PCDHB3: variants seen among roughly 807,000 people sequenced by gnomAD.
The protein encoded by PCDHB3 is protocadherin beta-3.
For synonymous variants in PCDHB3, 479 were observed against 456.0 expected, an observed-to-expected ratio of 1.05 and a Z score of -0.64; for missense variants, 967 against 1,012.1, an observed-to-expected ratio of 0.96 and a Z score of 0.60.
Position 141,100,741 on chromosome 5 carries a change from G to A in PCDHB3, c.92G>A (p.Arg31Lys), listed in dbSNP as rs1554272068. 1.2e-6 allele frequency: 2 copies of A among 1,614,148 alleles called. No homozygotes were observed. Among genetic ancestry groups the A allele is most frequent in the South Asian group, 2.2e-5 (2 of 91,092 alleles). Residue 31 changes from arginine (R) to lysine (K), a missense_variant, in exon 1 of 1, where the codon AGA (arginine) becomes AAA (lysine). Physicochemically the swap from Arg to Lys is conservative, Grantham distance 26 (BLOSUM62 2). Coordinates refer to ENST00000231130, the MANE Select transcript of PCDHB3 (RefSeq NM_018937.5). ...LGGSLAGSES[R>K]RYSVAEEKEK... ...GGGTCTCTGGCTGGGTCCGAGTCAA[G>A]ACGCTATTCTGTGGCTGAGGAAAAA...
In PCDHB3 at chr5:141,102,423, G is replaced by A; in HGVS notation, c.1774G>A (p.Val592Met). 6.2e-7 allele frequency: 1 copy of A among 1,610,664 alleles called. No homozygotes were observed. The highest frequency in any genetic ancestry group is 8.5e-7 in the Non-Finnish European group (1 of 1,179,648). Reference protein sequence around the residue: ...PGYLVTKVVAVDGDSGQNAWL... With the variant: ...PGYLVTKVVAMDGDSGQNAWL... ...CTACCTGGTGACCAAGGTGGTGGCG[G>A]TGGACGGCGACTCGGGCCAGAACGC... The change falls in exon 1 of 1, where the codon GTG (valine) becomes ATG (methionine). Residue 592 changes from valine to methionine, a missense_variant. Coordinates refer to ENST00000231130, the MANE Select transcript of PCDHB3 (RefSeq NM_018937.5).
chr5:141,103,634 A>G lies in PCDHB3; in HGVS notation c.*594A>G, dbSNP rs1030542601. 24 of 152,320 alleles carry G rather than the reference A, an allele frequency of 1.6e-4. No homozygotes were observed. The highest frequency in any genetic ancestry group is 4.8e-4 in the African/African-American group (20 of 41,580). 9.4% of individuals were successfully genotyped at this position (152,320 alleles called of 1,614,324 possible). ...AGTAATATATCATCTTTTTAGGGAT[A>G]TAGTACTCAAATGAAAGTAATTTAG... On this transcript the variant is annotated 3_prime_UTR_variant, in exon 1 of 1. Coordinates refer to ENST00000231130, the MANE Select transcript of PCDHB3 (RefSeq NM_018937.5).
chr5:141,103,060 G>A lies in PCDHB3; in HGVS notation c.*20G>A. 2 of 1,586,786 alleles carry A rather than the reference G, an allele frequency of 1.3e-6. No homozygotes were observed. The highest frequency in any genetic ancestry group is 1.8e-5 in the Admixed American group (1 of 56,740). ...AGTTAAGTGTTAATAAGGATCTACT[G>A]AGCCTCGTCTTAGTTAATCTGTGGA... On this transcript the variant is annotated 3_prime_UTR_variant, in exon 1 of 1. Coordinates refer to ENST00000231130, the MANE Select transcript of PCDHB3 (RefSeq NM_018937.5).
At position 141,100,665 on chromosome 5, in the gene PCDHB3, G is replaced by A; in HGVS notation, c.16G>A (p.Glu6Lys). MEAGG[E>K]RFLRQRQVLL... ...GGAAAGTGCAATGGAGGCGGGAGGAGAGCGATTTCTTAGACAAAGGCAAGT... is the reference window on the plus strand; with the variant it reads ...GGAAAGTGCAATGGAGGCGGGAGGAAAGCGATTTCTTAGACAAAGGCAAGT... The change falls in exon 1 of 1, where the codon GAG becomes AAG. Residue 6 changes from glutamate (E) to lysine (K), a missense_variant. By Grantham distance (56) the Glu-to-Lys change is moderately conservative (BLOSUM62 1). Coordinates refer to ENST00000231130, the MANE Select transcript of PCDHB3 (RefSeq NM_018937.5). The A allele has an allele frequency of 6.2e-7, 1 of 1,601,924 alleles. No individual in the cohort carries two copies. The highest frequency in any genetic ancestry group is 8.5e-7 in the Non-Finnish European group (1 of 1,173,342).
In PCDHB3 at chr5:141,101,998, C is replaced by T; in HGVS notation, c.1349C>T (p.Ala450Val). 6.2e-7 allele frequency: 1 copy of T among 1,613,304 alleles called. No homozygotes were observed. The highest frequency in any genetic ancestry group is 8.5e-7 in the Non-Finnish European group (1 of 1,180,026). Residue 450 changes from alanine (A) to valine (V), a missense_variant, in exon 1 of 1, where the codon GCC becomes GTC. By Grantham distance (64) the Ala-to-Val change is moderately conservative. Transcript: ENST00000231130. ...TCCGACGTCAATGACAACGCCCCCG[C>T]CTTCACCCAAATCTCCTACACCCTG... ...LVSDVNDNAP[A>V]FTQISYTLFV...
Position 141,100,619 on chromosome 5 carries a change from C to A in PCDHB3, c.-31C>A. On this transcript the variant is annotated 5_prime_UTR_variant, in exon 1 of 1. Coordinates refer to ENST00000231130, the MANE Select transcript of PCDHB3 (RefSeq NM_018937.5). ...CTCTGTCTGAGGTTCAGCTTGGCGA[C>A]ATTCCCTGGAAGAGCGTGACGGAAA... 1 of 1,496,948 alleles carries A rather than the reference C, an allele frequency of 6.7e-7. No individual in the cohort carries two copies. Among genetic ancestry groups the A allele is most frequent in the Non-Finnish European group, 9.1e-7 (1 of 1,097,622 alleles). 92.7% of individuals were successfully genotyped at this position (1,496,948 alleles called of 1,614,324 possible). A position where few individuals can be genotyped will look rare whatever the true frequency, so the allele number is the denominator to read the frequency against.
In PCDHB3 at chr5:141,100,935, T is replaced by C. The variant is rs782540843; in HGVS notation, c.286T>C (p.Cys96Arg). The C allele has an allele frequency of 1.9e-6, 3 of 1,614,100 alleles. No individual in the cohort carries two copies. The South Asian group carries it at 3.3e-5, about 18-fold the overall frequency. Reference protein sequence around the residue: ...LNEKLDREELCGPTEPCILHF... With the variant: ...LNEKLDREELRGPTEPCILHF... ...TGAGAAATTGGACCGGGAGGAGCTA[T>C]GCGGCCCCACAGAACCATGCATACT... Residue 96 changes from cysteine to arginine, a missense_variant, in exon 1 of 1, where the codon TGC (cysteine) becomes CGC (arginine). Transcript: ENST00000231130.
chr5:141,101,610 G>A lies in PCDHB3; in HGVS notation c.961G>A (p.Ala321Thr), dbSNP rs1751943550. 3 of 1,614,104 alleles carry A rather than the reference G, an allele frequency of 1.9e-6. No individual in the cohort carries two copies. The highest frequency in any genetic ancestry group is 4.5e-5 in the East Asian group (2 of 44,890). ...AINSYEVDIE[A>T]KDGGGLSGKS... is the part of the protein sequence containing the mutation. Reference sequence around the variant, plus strand: ...TAATAGTTATGAAGTCGACATCGAGGCCAAGGATGGCGGAGGCCTATCCGG... The same window carrying A: ...TAATAGTTATGAAGTCGACATCGAGACCAAGGATGGCGGAGGCCTATCCGG... Residue 321 changes from alanine to threonine, a missense_variant, in exon 1 of 1, where the codon GCC becomes ACC. Ala to Thr is a moderately conservative substitution (Grantham distance 58, BLOSUM62 0). Coordinates refer to ENST00000231130, the MANE Select transcript of PCDHB3 (RefSeq NM_018937.5).
Position 141,102,847 on chromosome 5 carries a change from C to T in PCDHB3, c.2198C>T (p.Pro733Leu), listed in dbSNP as rs201086790. Residue 733 changes from proline (P) to leucine (L), a missense_variant, in exon 1 of 1, where the codon CCA becomes CTA. Transcript: ENST00000231130. ...GRCSVPEGPF[P>L]GQMVDVSGTG... ...TGCTCGGTGCCCGAGGGCCCCTTTC[C>T]AGGGCAGATGGTGGACGTGAGCGGC... The T allele has an allele frequency of 4.2e-4, 677 of 1,613,364 alleles. 12 individuals carry two copies. The South Asian group carries it at 7.1e-3, about 17-fold the overall frequency.
At position 141,103,191 on chromosome 5, in the gene PCDHB3, T is replaced by A; in HGVS notation, c.*151T>A. Reference sequence around the variant, plus strand: ...ATCAAATCCAGGGATGGCTTAGGTTTCATTAACAGTACTGGAAAGTAGTTG... The same window carrying A: ...ATCAAATCCAGGGATGGCTTAGGTTACATTAACAGTACTGGAAAGTAGTTG... On this transcript the variant is annotated 3_prime_UTR_variant, in exon 1 of 1. Coordinates refer to ENST00000231130, the MANE Select transcript of PCDHB3 (RefSeq NM_018937.5). 1.2e-6 allele frequency: 1 copy of A among 827,372 alleles called. No individual in the cohort carries two copies. The highest frequency in any genetic ancestry group is 1.9e-6 in the Non-Finnish European group (1 of 529,340). The allele number at this position is 827,372 out of a possible 1,614,324, so 51.3% of individuals were successfully genotyped here.
rs782520817 is a variant in PCDHB3 at position 141,100,828 on chromosome 5, C to T, written c.179C>T (p.Ala60Val). 1.2e-6 allele frequency: 2 copies of T among 1,614,032 alleles called. No individual in the cohort carries two copies. Among genetic ancestry groups the T allele is most frequent in the Non-Finnish European group, 8.5e-7 (1 of 1,180,012 alleles). Residue 60 changes from alanine (A) to valine (V), a missense_variant, in exon 1 of 1, where the codon GCC becomes GTC. Coordinates refer to ENST00000231130, the MANE Select transcript of PCDHB3 (RefSeq NM_018937.5). ...CTGGGACTAAGGGTAGAGGAACTGG[C>T]CGCGAGGGGGGCCCAAGTTGTGTCC... ...KDLGLRVEEL[A>V]ARGAQVVSKG...
At position 141,100,582 on chromosome 5, in the gene PCDHB3, A is replaced by G; in HGVS notation, c.-68A>G. 1 of 1,235,366 alleles carries G rather than the reference A, an allele frequency of 8.1e-7. No individual in the cohort carries two copies. Among genetic ancestry groups the G allele is most frequent in the East Asian group, 2.3e-5 (1 of 42,844 alleles). 76.5% of individuals were successfully genotyped at this position (1,235,366 alleles called of 1,614,324 possible). A position where few individuals can be genotyped will look rare whatever the true frequency, so the allele number is the denominator to read the frequency against. ...GTCTACAAAGGTTGTGGGGCAAAAG[A>G]CTGTTTCCCAGCTCTGTCTGAGGTT... is the stretch of plus-strand genomic sequence containing the variant. On this transcript the variant is annotated 5_prime_UTR_variant, in exon 1 of 1. Transcript: ENST00000231130.
chr5:141,100,681 A>G lies in PCDHB3; in HGVS notation c.32A>G (p.Gln11Arg). Residue 11 changes from glutamine to arginine, a missense_variant, in exon 1 of 1, where the codon CAA becomes CGA. By Grantham distance (43) the Gln-to-Arg change is conservative. Coordinates refer to ENST00000231130, the MANE Select transcript of PCDHB3 (RefSeq NM_018937.5). ...GCGGGAGGAGAGCGATTTCTTAGAC[A>G]AAGGCAAGTCTTGCTTCTCTTTGTT... The part of the protein sequence containing the change: MEAGGERFLR[Q>R]RQVLLLFVFL... 6.2e-7 allele frequency: 1 copy of G among 1,609,228 alleles called. No individual in the cohort carries two copies. Among genetic ancestry groups the G allele is most frequent in the Non-Finnish European group, 8.5e-7 (1 of 1,177,336 alleles).
Position 141,102,386 on chromosome 5 carries a change from G to C in PCDHB3, c.1737G>C (p.Ala579=), listed in dbSNP as rs1751976450. ...SAPCTELVPR[A]AEPGYLVTKV... is the part of the protein sequence containing the mutation. Reference sequence around the variant, plus strand: ...CCTGCACCGAGCTGGTGCCCCGGGCGGCTGAGCCGGGCTACCTGGTGACCA... The same window carrying C: ...CCTGCACCGAGCTGGTGCCCCGGGCCGCTGAGCCGGGCTACCTGGTGACCA... Residue 579 remains alanine, a synonymous_variant, in exon 1 of 1, where the codon GCG becomes GCC. Coordinates refer to ENST00000231130, the MANE Select transcript of PCDHB3 (RefSeq NM_018937.5). 1.3e-6 allele frequency: 2 copies of C among 1,570,840 alleles called. No homozygotes were observed. Among genetic ancestry groups the C allele is most frequent in the South Asian group, 2.2e-5 (2 of 90,590 alleles).
rs781823861 is a variant in PCDHB3 at position 141,101,066 on chromosome 5, T to C, written c.417T>C (p.His139=). The change falls in exon 1 of 1, where the codon CAT becomes CAC. Residue 139 remains histidine (H), a synonymous_variant. Coordinates refer to ENST00000231130, the MANE Select transcript of PCDHB3 (RefSeq NM_018937.5). Reference sequence around the variant, plus strand: ...CGGTATTCTTTGAAAATGAAATGCATCTGAAAATCCTAGAAAGCACTCTGC... The same window carrying C: ...CGGTATTCTTTGAAAATGAAATGCACCTGAAAATCCTAGAAAGCACTCTGC... ...HSPVFFENEM[H]LKILESTLPG... 1.9e-6 allele frequency: 3 copies of C among 1,614,134 alleles called. No individual in the cohort carries two copies. The South Asian group carries it at 3.3e-5, about 18-fold the overall frequency.
rs781822533 is a variant in PCDHB3 at position 141,101,351 on chromosome 5, T to C, written c.702T>C (p.Asp234=). The C allele has an allele frequency of 3.1e-6, 5 of 1,613,982 alleles. No homozygotes were observed. In the East Asian group the frequency reaches 8.9e-5, roughly 29 times the overall value. The change falls in exon 1 of 1, where the codon GAT becomes GAC. Residue 234 remains aspartate (D), a synonymous_variant. Coordinates refer to ENST00000231130, the MANE Select transcript of PCDHB3 (RefSeq NM_018937.5). ...CCCAGATAAACATCCAGGTCTTAGA[T>C]ATAAACGACAATGCACCAGAATTTG... The part of the protein sequence containing the change: ...GTAQINIQVL[D]INDNAPEFAQ...
rs782494594 is a variant in PCDHB3 at position 141,102,399 on chromosome 5, T to C, written c.1750T>C (p.Tyr584His). Reference sequence around the variant, plus strand: ...GGTGCCCCGGGCGGCTGAGCCGGGCTACCTGGTGACCAAGGTGGTGGCGGT... The same window carrying C: ...GGTGCCCCGGGCGGCTGAGCCGGGCCACCTGGTGACCAAGGTGGTGGCGGT... Reference protein sequence around the residue: ...ELVPRAAEPGYLVTKVVAVDG... With the variant: ...ELVPRAAEPGHLVTKVVAVDG... Residue 584 changes from tyrosine (Y) to histidine (H), a missense_variant, in exon 1 of 1, where the codon TAC (tyrosine) becomes CAC (histidine). Coordinates refer to ENST00000231130, the MANE Select transcript of PCDHB3 (RefSeq NM_018937.5). 1.2e-6 allele frequency: 2 copies of C among 1,610,820 alleles called. No homozygotes were observed. The highest frequency in any genetic ancestry group is 2.2e-5 in the South Asian group (2 of 90,978).
In PCDHB3 at chr5:141,102,850, G is replaced by A. The variant is rs1554272691; in HGVS notation, c.2201G>A (p.Gly734Glu). 1 of 1,613,238 alleles carries A rather than the reference G, an allele frequency of 6.2e-7. No homozygotes were observed. The highest frequency in any genetic ancestry group is 2.2e-5 in the East Asian group (1 of 44,860). Residue 734 changes from glycine to glutamate, a missense_variant, in exon 1 of 1, where the codon GGG (glycine) becomes GAG (glutamate). Transcript: ENST00000231130. ...TCGGTGCCCGAGGGCCCCTTTCCAG[G>A]GCAGATGGTGGACGTGAGCGGCACC... ...RCSVPEGPFP[G>E]QMVDVSGTGT...
rs1320450432 is a variant in PCDHB3 at position 141,103,712 on chromosome 5, A to T, written c.*672A>T. On this transcript the variant is annotated 3_prime_UTR_variant, in exon 1 of 1. Transcript: ENST00000231130. ...TAATATTTCAATATTTTATGTGCTT[A>T]TATTGGCCAAAATATGGACACAAAT... 33 of 152,200 alleles carry T rather than the reference A, an allele frequency of 2.2e-4. No individual in the cohort carries two copies. Among genetic ancestry groups the T allele is most frequent in the Admixed American group, 2.2e-3 (33 of 15,280 alleles). 9.4% of individuals were successfully genotyped at this position (152,200 alleles called of 1,614,324 possible). A position where few individuals can be genotyped will look rare whatever the true frequency, so the allele number is the denominator to read the frequency against.
Sources: allele counts gnomAD v4.1 joint callset, GRCh38; gene constraint gnomAD v4.1.1; transcripts MANE v1.5; gene names NCBI Gene and HGNC (gene_info 2026-07-23, HGNC 2026-07-21).